MAVS: variants seen among roughly 807,000 people sequenced by gnomAD.
MAVS encodes mitochondrial antiviral signaling protein.
Under a neutral mutation model 30.2 loss-of-function variants are expected in MAVS, and 20 were observed. The ratio of observed to expected loss-of-function variants is 0.66; its 90% CI spans 0.47 to 0.96. MAVS has a LOEUF of 0.96. Among genes scored for constraint, MAVS ranks in the 40% least tolerant of loss-of-function variants. MAVS has a pLI of 0.00. For synonymous variants in MAVS, 278 were observed against 293.9 expected, an observed-to-expected ratio of 0.95 and a Z score of 0.55; for missense variants, 624 against 701.1, an observed-to-expected ratio of 0.89 and a Z score of 1.24.
At position 3,866,407 on chromosome 20, in the gene MAVS, C is replaced by T. The variant is rs557981415; in HGVS notation, c.*260C>T. 4.3e-5 allele frequency: 22 copies of T among 514,912 alleles called. No individual in the cohort carries two copies. In the South Asian group the frequency reaches 6.6e-4, roughly 15 times the overall value. The allele number at this position is 514,912 out of a possible 1,614,324, so 31.9% of individuals were successfully genotyped here. On this transcript the variant is annotated 3_prime_UTR_variant, in exon 7 of 7. Transcript: ENST00000428216. The stretch of plus-strand genomic sequence containing the variant: ...CTGCCCCCAGTGCTCCAGACCTTCC[C>T]CACTGGCAATCCAGGTTATCATCCA...
chr20:3,848,444 T>C (rs1343761963), intron 1 of MAVS, among the ~76,000 whole-genome samples: 2 of 152,166 alleles, frequency 1.3e-5, no homozygotes, highest in Non-Finnish European at 2.9e-5. Context: ...TTTGCTAATT[T>C]CTTGAAGGCT....
chr20:3,859,869 T>G (rs2089849822), intron 3 of MAVS, among the ~76,000 whole-genome samples: 1 of 151,732 alleles, frequency 6.6e-6, no homozygotes, highest in Non-Finnish European at 1.5e-5. Flanking sequence ...CAGGCTGGAG[T>G]GCAGTGGTGC....
rs527691809 is a variant in MAVS at position 3,865,791 on chromosome 20, G to A, written c.1267G>A (p.Val423Met). 106 of 1,613,814 alleles carry A rather than the reference G, an allele frequency of 6.6e-5. No homozygotes were observed. The highest frequency in any genetic ancestry group is 1.8e-4 in the Admixed American group (11 of 60,014). ...TGGGTCGGAGCTGAGTAAGCCTGGC[G>A]TGCTGGCATCCCAGGTAGACAGCCC... ...GLGSELSKPGVLASQVDSPFS... is the reference protein window; with the variant it reads ...GLGSELSKPGMLASQVDSPFS... The change falls in exon 7 of 7, where the codon GTG becomes ATG. Residue 423 changes from valine (V) to methionine (M), a missense_variant. Val to Met is a conservative substitution (Grantham distance 21). Coordinates refer to ENST00000428216, the MANE Select transcript of MAVS (RefSeq NM_020746.5). This position sits in a 1 kb window ranked among gnomAD's most constrained non-coding sequence, Gnocchi z 4.7.
At chr20:3,850,403 G>GCCTGACC (rs2089749362) in intron 1 of MAVS, among the ~76,000 whole-genome samples, 1 of 146,666 alleles carries the variant, frequency 6.8e-6, no homozygotes, top group Admixed American at 7.0e-5. Flanking sequence ...TTCGAGACCG[G>GCCTGACC]AACATGGTGA....
rs147840815 is a variant in MAVS at position 3,857,769 on chromosome 20, C to G, written c.252C>G (p.Leu84=). The change falls in exon 3 of 7, where the codon CTC becomes CTG. Residue 84 remains leucine, a synonymous_variant. Transcript: ENST00000428216. ...AALRGCELVD[L]ADEVASVYQS... is the part of the protein sequence containing the mutation. ...TGAGGGGCTGTGAGCTAGTTGATCT[C>G]GCGGACGAAGTGGCCTCTGTCTACC... 9.3e-6 allele frequency: 15 copies of G among 1,614,094 alleles called. No individual in the cohort carries two copies. The highest frequency in any genetic ancestry group is 1.2e-5 in the Non-Finnish European group (14 of 1,180,048).
At chr20:3,863,822 C>G (rs1391626894) in intron 5 of MAVS, among the ~76,000 whole-genome samples, 1 of 152,110 alleles carries the variant, frequency 6.6e-6, no homozygotes, top group Non-Finnish European at 1.5e-5. Context: ...CATGAGCCAT[C>G]CTGCCACCCC....
chr20:3,874,462 AGGGG>A lies in MAVS; in HGVS notation c.*8316_*8319del. 1 of 376,740 alleles carries A rather than the reference AGGGG, an allele frequency of 2.7e-6. No individual in the cohort carries two copies. Among genetic ancestry groups the A allele is most frequent in the Non-Finnish European group, 4.7e-6 (1 of 212,200 alleles). 23.3% of individuals were successfully genotyped at this position (376,740 alleles called of 1,614,324 possible). A position where few individuals can be genotyped will look rare whatever the true frequency, so the allele number is the denominator to read the frequency against. ...TCAGCCATGATTGCTTGTATTTGGC[AGGGG>A]TCAAAGGCAGGCAGGGACTGTGAAA... On this transcript the variant is annotated 3_prime_UTR_variant, in exon 7 of 7. Transcript: ENST00000428216.
Position 3,865,073 on chromosome 20 carries a change from G to A in MAVS, c.1158+285G>A, listed in dbSNP as rs768597580. Among the ~76,000 whole-genome samples, 4 of 152,250 alleles carry A rather than the reference G, an allele frequency of 2.6e-5. No individual in the cohort carries two copies. The highest frequency in any genetic ancestry group is 6.5e-5 in the Admixed American group (1 of 15,286). On this transcript the variant is annotated intron_variant, in intron 6 of 6. Transcript: ENST00000428216. The surrounding 1 kb of genome is among the most constrained non-coding windows in gnomAD (Gnocchi z 4.7). ...AGGTGTATAAGTTCATTTAGGGCTC[G>A]TAGTTCCTAGTGAAGCCGAGCGGTG...
rs2089982436 is a variant in MAVS, at chr20:3,875,235, T to C, written c.*9088T>C. ...TCGAGACCAGCCTGGGTAACATAGC[T>C]AGACCACATCTCTTAAAATAAAATA... On this transcript the variant is annotated 3_prime_UTR_variant, in exon 7 of 7. Coordinates refer to ENST00000428216, the MANE Select transcript of MAVS (RefSeq NM_020746.5). 6.6e-6 allele frequency: 1 copy of C among 152,054 alleles called. No homozygotes were observed. The highest frequency in any genetic ancestry group is 1.5e-5 in the Non-Finnish European group (1 of 68,012). The allele number at this position is 152,054 out of a possible 1,614,324, so 9.4% of individuals were successfully genotyped here.
At chr20:3,859,826 T>C (rs1239545732) in intron 3 of MAVS, among the ~76,000 whole-genome samples, 2 of 150,474 alleles carry the variant, frequency 1.3e-5, no homozygotes, top group Non-Finnish European at 3.0e-5. Flanking sequence ...TGTCACTCCT[T>C]TTTTTTTTGA....
At chr20:3,859,964 CT>C (rs1299458980) in intron 3 of MAVS, among the ~76,000 whole-genome samples, 3 of 151,084 alleles carry the variant, frequency 2.0e-5, no homozygotes, top group Non-Finnish European at 3.0e-5. Context: ...CTACAGGCGC[CT>C]GCAACCATGC....
At chr20:3,856,291 T>C (rs577593869) in intron 2 of MAVS, among the ~76,000 whole-genome samples, 2 of 151,738 alleles carry the variant, frequency 1.3e-5, no homozygotes, top group East Asian at 3.9e-4. Context: ...CCTGACCTCA[T>C]GATCCACCCG....
At chr20:3,861,139 C>T (rs2089863416) in intron 3 of MAVS, among the ~76,000 whole-genome samples, 193 bp from the exon 4 acceptor site, 1 of 152,104 alleles carries the variant, frequency 6.6e-6, no homozygotes, top group South Asian at 2.1e-4. Context: ...ACTACAGGGG[C>T]CCGCCACCAT....
At position 3,863,424 on chromosome 20, in the gene MAVS, C is replaced by T. The variant is rs184474764; in HGVS notation, c.626-832C>T. Among the ~76,000 whole-genome samples, 3 of 152,274 alleles carry T rather than the reference C, an allele frequency of 2.0e-5. No individual in the cohort carries two copies. The East Asian group carries it at 5.8e-4, about 29-fold the overall frequency. ...CGTCATCTTAGTACTTTTGTCATCC[C>T]CAAACTGCTCCAAGCACCTGTCTGC... On this transcript the variant is annotated intron_variant, in intron 5 of 6. Transcript: ENST00000428216.
At position 3,866,188 on chromosome 20, in the gene MAVS, C is replaced by T. The variant is rs2089907443; in HGVS notation, c.*41C>T. 8.6e-6 allele frequency: 13 copies of T among 1,509,264 alleles called. 1 individual carries two copies. The South Asian group carries it at 1.5e-4, about 18-fold the overall frequency. 93.5% of individuals were successfully genotyped at this position (1,509,264 alleles called of 1,614,324 possible). On this transcript the variant is annotated 3_prime_UTR_variant, in exon 7 of 7. Transcript: ENST00000428216. ...TTCCCACCACCCATCTGTTCCGTTC[C>T]TGCAGTACACCTGGCCCCTCTCCGA...
rs1260568601 is a variant in MAVS at position 3,875,267 on chromosome 20, T to G, written c.*9120T>G. On this transcript the variant is annotated 3_prime_UTR_variant, in exon 7 of 7. Coordinates refer to ENST00000428216, the MANE Select transcript of MAVS (RefSeq NM_020746.5). ...CATCTCTTAAAATAAAATAGTTAAT[T>G]TAGCCAGGCATGATGATATATGCCT... 2 of 151,930 alleles carry G rather than the reference T, an allele frequency of 1.3e-5. No homozygotes were observed. Among genetic ancestry groups the G allele is most frequent in the East Asian group, 3.9e-4 (2 of 5,182 alleles). 9.4% of individuals were successfully genotyped at this position (151,930 alleles called of 1,614,324 possible).
At chr20:3,864,943 C>G (rs1264303515) in intron 6 of MAVS, among the ~76,000 whole-genome samples, 155 bp downstream of exon 6, 3 of 152,250 alleles carry the variant, frequency 2.0e-5, no homozygotes, top group Non-Finnish European at 2.9e-5. Context: ...CAGTTGAGAA[C>G]CAGCCTCATG....
At position 3,861,348 on chromosome 20, in the gene MAVS, C is replaced by T. The variant is rs202102876; in HGVS notation, c.309C>T (p.Pro103=). 7.1e-5 allele frequency: 115 copies of T among 1,613,674 alleles called. No individual in the cohort carries two copies. The highest frequency in any genetic ancestry group is 1.7e-6 in the Non-Finnish European group (2 of 1,179,790). The change falls in exon 4 of 7, where the codon CCC becomes CCT. Residue 103 remains proline, a synonymous_variant. Coordinates refer to ENST00000428216, the MANE Select transcript of MAVS (RefSeq NM_020746.5). Reference sequence around the variant, plus strand: ...GTCCTCTAGGGACCTCGGACCGTCCCCCAGACCCACTGGAGCCACCGTCAC... The same window carrying T: ...GTCCTCTAGGGACCTCGGACCGTCCTCCAGACCCACTGGAGCCACCGTCAC... ...QSYQPRTSDR[P]PDPLEPPSLP...
chr20:3,855,661 A>T (rs193231606), intron 2 of MAVS, among the ~76,000 whole-genome samples: 123 of 152,220 alleles, frequency 8.1e-4, no homozygotes, highest in African/African-American at 2.7e-3. Flanking sequence ...CTGTCCTCCC[A>T]CACAGATCGC....
Sources: allele counts gnomAD v4.1 joint callset (sites outside exome capture counted in the v4.1 genomes callset), GRCh38; gene constraint gnomAD v4.1.1; non-coding constraint Gnocchi (gnomAD v3.1); transcripts MANE v1.5; gene names NCBI Gene and HGNC (gene_info 2026-07-23, HGNC 2026-07-21).